STX8: variants seen among roughly 807,000 people sequenced by gnomAD.
STX8 encodes syntaxin-8.
A neutral mutation model predicts 37.5 loss-of-function variants in STX8; 23 were observed. That is an observed-to-expected ratio of 0.61 (90% CI 0.44 to 0.87). The LOEUF (loss-of-function observed/expected upper bound fraction) is 0.87, where lower values mean the gene tolerates loss of function less well. Among genes scored for constraint, STX8 ranks in the 40% least tolerant of loss-of-function variants. STX8 has a pLI of 0.00. For missense variants in STX8, 313 were observed against 284.7 expected (o/e 1.10, Z -0.71); for synonymous variants, 115 against 99.1 (o/e 1.16, Z -0.95).
chr17:9,259,524 G>A (rs1225148107), intron 7 of STX8, among the ~76,000 whole-genome samples: 1 of 152,204 alleles, frequency 6.6e-6, no homozygotes, highest in African/African-American at 2.4e-5. Flanking sequence ...GAGGCCCGGC[G>A]GTGATGAGGG....
intron 5 of STX8, among the ~76,000 whole-genome samples, chr17:9,495,950 G>A (rs1281367454): frequency 2.0e-5 from 3 of 152,186 alleles, no homozygotes; most frequent in Non-Finnish European, 4.4e-5. Flanking sequence ...CTATTCGGGA[G>A]GCTAAGGCAG....
chr17:9,501,986 A>G (rs1567588527), intron 5 of STX8, among the ~76,000 whole-genome samples: 1 of 151,940 alleles, frequency 6.6e-6, no homozygotes, highest in Non-Finnish European at 1.5e-5. Flanking sequence ...AAACAAACAA[A>G]CCAAACATGA....
At chr17:9,451,010 A>C (rs1050438499) in intron 6 of STX8, among the ~76,000 whole-genome samples, 1 of 152,160 alleles carries the variant, frequency 6.6e-6, no homozygotes, top group Non-Finnish European at 1.5e-5. Flanking sequence ...AAAAATGAAT[A>C]AGACAGCCTT....
At chr17:9,501,855 G>C (rs1230317801) in intron 5 of STX8, among the ~76,000 whole-genome samples, 1 of 152,050 alleles carries the variant, frequency 6.6e-6, no homozygotes, top group African/African-American at 2.4e-5. Flanking sequence ...TGTAGTCCCA[G>C]CTACTCGGGA....
intron 6 of STX8, among the ~76,000 whole-genome samples, chr17:9,415,916 C>A (rs1913176919): frequency 6.6e-6 from 1 of 152,250 alleles, no homozygotes; most frequent in Non-Finnish European, 1.5e-5. Context: ...AGCTTCTATG[C>A]TGGCATCCCT....
At chr17:9,474,089 A>T (rs1274543611) in intron 6 of STX8, among the ~76,000 whole-genome samples, 1 of 152,140 alleles carries the variant, frequency 6.6e-6, no homozygotes, top group Non-Finnish European at 1.5e-5. Flanking sequence ...AACAAGGTTC[A>T]GGGAGCTGCT....
intron 6 of STX8, among the ~76,000 whole-genome samples, chr17:9,391,576 G>C (rs1455638276): frequency 1.3e-5 from 2 of 151,404 alleles, no homozygotes; most frequent in East Asian, 3.9e-4. Context: ...AACAACTGGT[G>C]AATCTAGTAA....
At chr17:9,417,057 T>C (rs986962164) in intron 6 of STX8, among the ~76,000 whole-genome samples, 2 of 152,178 alleles carry the variant, frequency 1.3e-5, no homozygotes, top group African/African-American at 4.8e-5. Context: ...CACACCCCTA[T>C]GGGTTCCTCT....
chr17:9,373,126 GA>G, intron 7 of STX8, among the ~76,000 whole-genome samples: 1 of 148,590 alleles, frequency 6.7e-6, no homozygotes, highest in South Asian at 2.1e-4. Context: ...AAAAAGAAAA[GA>G]AAAGAAAAAG....
chr17:9,374,068 T>C lies in STX8; in HGVS notation c.643+4484A>G, dbSNP rs1911504056. The stretch of plus-strand genomic sequence containing the variant: ...TTAAGATGGTAAATTTTATGCTATA[T>C]ATATTTTACCACAATTAATTTTTTT... On this transcript the variant is annotated intron_variant, in intron 7 of 7. Transcript: ENST00000306357. Among the ~76,000 whole-genome samples, 5 of 151,688 alleles carry C rather than the reference T, an allele frequency of 3.3e-5. No individual in the cohort carries two copies. The South Asian group carries it at 6.2e-4, about 19-fold the overall frequency.
intron 6 of STX8, among the ~76,000 whole-genome samples, chr17:9,453,834 A>G (rs1905114601): frequency 6.6e-6 from 1 of 152,056 alleles, no homozygotes. Flanking sequence ...CTATGTGTTG[A>G]GTTAATAAAT....
intron 6 of STX8, among the ~76,000 whole-genome samples, chr17:9,444,375 G>T (rs1356122565): frequency 6.6e-6 from 1 of 152,162 alleles, no homozygotes. Flanking sequence ...GCCCCTCTCT[G>T]CCCTAGTGAA....
At chr17:9,320,335 A>T (rs1206101655) in intron 7 of STX8, among the ~76,000 whole-genome samples, 1 of 150,964 alleles carries the variant, frequency 6.6e-6, no homozygotes, top group East Asian at 1.9e-4. Flanking sequence ...TCCATCTCAA[A>T]AAAAAAAAAA....
intron 7 of STX8, among the ~76,000 whole-genome samples, chr17:9,259,350 C>G (rs1426233626): frequency 6.6e-6 from 1 of 152,154 alleles, no homozygotes; most frequent in African/African-American, 2.4e-5. Context: ...GAAACGGGTG[C>G]CTAGTGGTCG....
At chr17:9,484,928 A>G (rs914920602) in intron 6 of STX8, among the ~76,000 whole-genome samples, 3 of 152,194 alleles carry the variant, frequency 2.0e-5, no homozygotes, top group Admixed American at 1.3e-4. Flanking sequence ...GTGACAGGGA[A>G]TGCAATGACT....
intron 6 of STX8, among the ~76,000 whole-genome samples, chr17:9,380,934 C>T (rs1156348823): frequency 3.3e-5 from 5 of 151,900 alleles, no homozygotes; most frequent in East Asian, 3.9e-4. Context: ...AGGCTGGTCT[C>T]GAACTCCTGA....
At chr17:9,390,688 T>C (rs969341047) in intron 6 of STX8, among the ~76,000 whole-genome samples, 1 of 140,636 alleles carries the variant, frequency 7.1e-6, no homozygotes, top group Non-Finnish European at 1.5e-5. Flanking sequence ...AAAAAAAAAA[T>C]TAGCCAGGCA....
rs1463933576 is a variant in STX8 at position 9,460,685 on chromosome 17, AAAACAAAAC to A, written c.541+31135_541+31143del. Among the ~76,000 whole-genome samples the A allele has an allele frequency of 3.0e-4, 43 of 142,392 alleles. 1 individual carries two copies. The highest frequency in any genetic ancestry group is 1.2e-3 in the African/African-American group (40 of 33,078). The allele number at this position is 142,392 out of a possible 152,430, so 93.4% of individuals were successfully genotyped here. Reference sequence around the variant, plus strand: ...TGAGACTCTGTCTCAAAAAAAAAAAAAAACAAAACAAAACTACTAAATTCACAACAACAA... The same window carrying A: ...TGAGACTCTGTCTCAAAAAAAAAAAAAAAACTACTAAATTCACAACAACAA... On this transcript the variant is annotated intron_variant, in intron 6 of 7. Coordinates refer to ENST00000306357, the MANE Select transcript of STX8 (RefSeq NM_004853.3).
At chr17:9,572,604 T>A (rs565598602) in intron 1 of STX8, among the ~76,000 whole-genome samples, 1 of 152,204 alleles carries the variant, frequency 6.6e-6, no homozygotes, top group East Asian at 1.9e-4. Context: ...GAGACGGGGT[T>A]TCACCATGTT....
Sources: gnomAD v4.1 joint callset for allele counts (sites outside exome capture counted in the v4.1 genomes callset) on GRCh38, gnomAD v4.1.1 for gene constraint, MANE v1.5 for transcripts, NCBI Gene and HGNC (gene_info 2026-07-23, HGNC 2026-07-21) for gene names.